The following TTC28 variants were observed in gnomAD, a reference collection of about 807,000 sequenced individuals.
TTC28 encodes the protein tetratricopeptide repeat domain 28, also known as tetratricopeptide repeat protein 28.
A neutral mutation model predicts 198.0 loss-of-function variants in TTC28; 61 were observed. That is an observed-to-expected ratio of 0.31 (90% CI 0.25 to 0.38). The LOEUF is 0.38. Ranked by LOEUF, TTC28 falls within the 10% of genes least tolerant of loss-of-function variation. The pLI is 1.00. For synonymous variants in TTC28, 1,171 were observed against 1,297.8 expected, an observed-to-expected ratio of 0.90 and a Z score of 2.10; for missense variants, 2,678 against 3,164.0, an observed-to-expected ratio of 0.85 and a Z score of 3.69.
intron 2 of TTC28, among the ~76,000 whole-genome samples, chr22:28,367,212 C>CA (rs977406262): frequency 4.0e-5 from 6 of 149,928 alleles, no homozygotes; most frequent in East Asian, 1.9e-4. Flanking sequence ...TTAAAAATTT[C>CA]AAAAAAAAAT....
At chr22:28,160,468 C>A (rs1569169107) in intron 6 of TTC28, among the ~76,000 whole-genome samples, 1 of 151,964 alleles carries the variant, frequency 6.6e-6, no homozygotes, top group African/African-American at 2.4e-5. Flanking sequence ...AGTGGCAATA[C>A]AATGGAAAGG....
chr22:28,003,199 G>A (rs536088144), intron 14 of TTC28, among the ~76,000 whole-genome samples: 6 of 152,136 alleles, frequency 3.9e-5, no homozygotes, highest in African/African-American at 1.4e-4. Context: ...CTCCCTGGCC[G>A]GCTCCATAGG....
intron 2 of TTC28, among the ~76,000 whole-genome samples, chr22:28,532,405 G>T (rs2049160051): frequency 6.6e-6 from 1 of 152,134 alleles, no homozygotes; most frequent in Non-Finnish European, 1.5e-5. Context: ...TGAAATTGAG[G>T]CAATAATTAA....
intron 2 of TTC28, among the ~76,000 whole-genome samples, chr22:28,479,832 T>C (rs1028137529): frequency 5.9e-5 from 9 of 152,306 alleles, no homozygotes; most frequent in Non-Finnish European, 1.0e-4. Context: ...CCTTTCCCTG[T>C]TTTCTGTTCC....
Position 27,983,709 on chromosome 22 carries a change from G to C in TTC28, c.5958C>G (p.Ala1986=). 6.4e-7 allele frequency: 1 copy of C among 1,551,220 alleles called. No homozygotes were observed. Among genetic ancestry groups the C allele is most frequent in the Non-Finnish European group, 8.7e-7 (1 of 1,146,788 alleles). The stretch of plus-strand genomic sequence containing the variant: ...GACTGTACACAGAGATGGCATCTGA[G>C]GCGATGCTGTCCGCACCGGTGGGAG... The part of the protein sequence containing the change: ...PFSPTGADSI[A]SDAISVYSLS... Residue 1986 remains alanine (A), a synonymous_variant, in exon 23 of 23, where the codon GCC becomes GCG. Transcript: ENST00000397906.
intron 2 of TTC28, among the ~76,000 whole-genome samples, chr22:28,433,620 A>C (rs1172177235): frequency 6.6e-6 from 1 of 152,216 alleles, no homozygotes; most frequent in Non-Finnish European, 1.5e-5. Context: ...TAATTAATAT[A>C]GAACTAGTTA....
chr22:28,560,678 C>T (rs932573579), intron 2 of TTC28, among the ~76,000 whole-genome samples: 1 of 152,150 alleles, frequency 6.6e-6, no homozygotes, highest in African/African-American at 2.4e-5. Context: ...ATCAAAGAGG[C>T]CTTCTCAGAT....
intron 5 of TTC28, among the ~76,000 whole-genome samples, chr22:28,256,493 G>T (rs1212892401): frequency 6.6e-6 from 1 of 151,184 alleles, no homozygotes; most frequent in Non-Finnish European, 1.5e-5. Context: ...AGAGATTAAT[G>T]TAAGAGTTAA....
intron 8 of TTC28, among the ~76,000 whole-genome samples, chr22:28,102,726 A>G (rs1313691049): frequency 6.6e-6 from 1 of 152,214 alleles, no homozygotes; most frequent in East Asian, 1.9e-4. Flanking sequence ...GTCTGTTGAG[A>G]CGGTAAGAAA....
intron 2 of TTC28, among the ~76,000 whole-genome samples, chr22:28,407,523 TTTAGA>T (rs1244935554): frequency 6.6e-6 from 1 of 152,090 alleles, no homozygotes; most frequent in Admixed American, 6.6e-5. Context: ...GGTTTTAGTG[TTTAGA>T]TTACACAGAT....
At chr22:28,121,106 C>T (rs191437879) in intron 6 of TTC28, among the ~76,000 whole-genome samples, 1 of 152,318 alleles carries the variant, frequency 6.6e-6, no homozygotes, top group East Asian at 1.9e-4. Context: ...AAATTGGAGG[C>T]TCCTGAGGCT....
intron 5 of TTC28, among the ~76,000 whole-genome samples, chr22:28,230,792 A>G (rs148442777): frequency 6.6e-6 from 1 of 152,302 alleles, no homozygotes; most frequent in East Asian, 1.9e-4. Flanking sequence ...ATTGTAAACT[A>G]TTAGTTCTCA....
chr22:28,636,022 G>T (rs1479788639), intron 1 of TTC28, among the ~76,000 whole-genome samples: 2 of 150,124 alleles, frequency 1.3e-5, no homozygotes, highest in African/African-American at 2.5e-5. Context: ...AACATTTTTA[G>T]ATCCTACATA....
At chr22:28,068,926 T>G (rs1201269737) in intron 12 of TTC28, among the ~76,000 whole-genome samples, 1 of 152,214 alleles carries the variant, frequency 6.6e-6, no homozygotes, top group Non-Finnish European at 1.5e-5. Flanking sequence ...TACGTCAGAT[T>G]GCACTGTGAC....
At chr22:28,455,618 G>A (rs142268431) in intron 2 of TTC28, among the ~76,000 whole-genome samples, 14 of 152,022 alleles carry the variant, frequency 9.2e-5, no homozygotes, top group African/African-American at 3.1e-4. Flanking sequence ...GAAGGCTGAG[G>A]CAGGAGAATC....
intron 12 of TTC28, among the ~76,000 whole-genome samples, chr22:28,045,934 T>C (rs1939846748): frequency 6.6e-6 from 1 of 152,172 alleles, no homozygotes; most frequent in African/African-American, 2.4e-5. Flanking sequence ...GGCACCACTG[T>C]ACTTCAGCCT....
chr22:28,097,855 G>A (rs749070580), intron 10 of TTC28, among the ~76,000 whole-genome samples: 13 of 152,286 alleles, frequency 8.5e-5, no homozygotes, highest in Admixed American at 5.2e-4. Context: ...CTGTGCACAC[G>A]GGAAAATCGG....
intron 1 of TTC28, among the ~76,000 whole-genome samples, chr22:28,630,782 T>C (rs1601641877): frequency 6.6e-6 from 1 of 152,350 alleles, no homozygotes; most frequent in South Asian, 2.1e-4. Flanking sequence ...CATATGTGTA[T>C]ATGTATGTTT....
At chr22:28,009,950 C>T (rs1938079539) in intron 14 of TTC28, among the ~76,000 whole-genome samples, 1 of 152,200 alleles carries the variant, frequency 6.6e-6, no homozygotes, top group African/African-American at 2.4e-5. Flanking sequence ...TACTTTAATA[C>T]CTTTAAAAAG....
Sources: gnomAD v4.1 joint callset for allele counts (sites outside exome capture counted in the v4.1 genomes callset) on GRCh38, gnomAD v4.1.1 for gene constraint, MANE v1.5 for transcripts, NCBI Gene and HGNC (gene_info 2026-07-23, HGNC 2026-07-21) for gene names.